The following PLXDC2 variants were observed in gnomAD, a reference collection of about 807,000 sequenced individuals.
The protein encoded by PLXDC2 is plexin domain containing 2, also known as plexin domain-containing protein 2.
A neutral mutation model predicts 68.9 loss-of-function variants in PLXDC2; 40 were observed. That is an observed-to-expected ratio of 0.58 (90% CI 0.45 to 0.76). The LOEUF (loss-of-function observed/expected upper bound fraction) is 0.76. Ranked by LOEUF, PLXDC2 falls within the 30% of genes least tolerant of loss-of-function variation. PLXDC2 has a pLI of 0.00. For missense variants in PLXDC2, 644 were observed against 661.9 expected, an observed-to-expected ratio of 0.97 and a Z score of 0.30; for synonymous variants, 243 against 234.2, an observed-to-expected ratio of 1.04 and a Z score of -0.34.
intron 1 of PLXDC2, among the ~76,000 whole-genome samples, chr10:19,987,717 A>AC (rs1272073052): frequency 6.7e-6 from 1 of 149,728 alleles, no homozygotes; most frequent in South Asian, 2.1e-4. Context: ...GCCCGCCACC[A>AC]CCCCCGGCTA....
intron 1 of PLXDC2, among the ~76,000 whole-genome samples, chr10:19,907,516 A>G (rs1351058352): frequency 6.6e-6 from 1 of 152,232 alleles, no homozygotes; most frequent in Non-Finnish European, 1.5e-5. Flanking sequence ...AAAACAAAGC[A>G]GAACAGCAAA....
intron 13 of PLXDC2, among the ~76,000 whole-genome samples, chr10:20,268,753 G>A (rs1295118884): frequency 6.6e-6 from 1 of 152,198 alleles, no homozygotes; most frequent in Non-Finnish European, 1.5e-5. Flanking sequence ...TTGTAGGGAG[G>A]CAGCACTAAC....
At chr10:19,980,490 C>A (rs181621432) in intron 1 of PLXDC2, among the ~76,000 whole-genome samples, 1 of 152,230 alleles carries the variant, frequency 6.6e-6, no homozygotes, top group East Asian at 1.9e-4. Flanking sequence ...AAGGTGGCAG[C>A]AGATCTGGAT....
intron 4 of PLXDC2, among the ~76,000 whole-genome samples, chr10:20,128,989 G>GATAT (rs1361065996): frequency 7.9e-5 from 12 of 152,018 alleles, no homozygotes; most frequent in African/African-American, 2.7e-4. Context: ...ACTTCCTCCG[G>GATAT]ATATATACTC....
chr10:20,265,931 C>A (rs902136895), intron 13 of PLXDC2, among the ~76,000 whole-genome samples: 2 of 152,124 alleles, frequency 1.3e-5, no homozygotes, highest in Non-Finnish European at 2.9e-5. Flanking sequence ...GATATACGGT[C>A]CCCGGAGAAT....
intron 1 of PLXDC2, among the ~76,000 whole-genome samples, chr10:19,876,026 C>A (rs919247175): frequency 6.6e-6 from 1 of 152,116 alleles, no homozygotes; most frequent in African/African-American, 2.4e-5. Context: ...TTCAGACGGA[C>A]TCCACAAAAT....
At chr10:19,881,322 G>A (rs183922477) in intron 1 of PLXDC2, among the ~76,000 whole-genome samples, 1 of 152,052 alleles carries the variant, frequency 6.6e-6, no homozygotes, top group African/African-American at 2.4e-5. Context: ...CACCATGTTG[G>A]TCTGGCTGGT....
intron 1 of PLXDC2, among the ~76,000 whole-genome samples, chr10:19,912,701 A>G (rs1241589930): frequency 6.6e-6 from 1 of 152,180 alleles, no homozygotes; most frequent in Non-Finnish European, 1.5e-5. Flanking sequence ...AAACTGCCAC[A>G]AATCCTTTTA....
At chr10:19,906,218 GTGT>G (rs1341408250) in intron 1 of PLXDC2, among the ~76,000 whole-genome samples, 1 of 152,082 alleles carries the variant, frequency 6.6e-6, no homozygotes, top group Admixed American at 6.6e-5. Flanking sequence ...TGTAAGATGT[GTGT>G]TATTATTATT....
At chr10:20,210,448 T>G (rs2131856710) in intron 9 of PLXDC2, among the ~76,000 whole-genome samples, 1 of 152,270 alleles carries the variant, frequency 6.6e-6, no homozygotes, top group African/African-American at 2.4e-5. Context: ...GATAGTAATT[T>G]CTGGGTCTTA....
intron 1 of PLXDC2, among the ~76,000 whole-genome samples, chr10:19,858,860 G>C (rs1365177276): frequency 6.6e-6 from 1 of 152,160 alleles, no homozygotes; most frequent in African/African-American, 2.4e-5. Flanking sequence ...AATACTTAAG[G>C]CTGGGTAATT....
chr10:20,143,782 C>G (rs111307889), intron 5 of PLXDC2, among the ~76,000 whole-genome samples: 4,359 of 152,008 alleles, frequency 0.029, 87 homozygotes, highest in South Asian at 0.071. Context: ...GAGGCAAGTG[C>G]CATAATATAT....
intron 1 of PLXDC2, among the ~76,000 whole-genome samples, chr10:19,975,131 G>T (rs1834427916): frequency 6.6e-6 from 1 of 152,082 alleles, no homozygotes; most frequent in South Asian, 2.1e-4. Context: ...TGCTAGCTCT[G>T]GTTTTTCACC....
intron 4 of PLXDC2, among the ~76,000 whole-genome samples, 181 bp from the exon 5 acceptor site, chr10:20,143,114 G>A (rs1463468460): frequency 6.6e-6 from 1 of 151,996 alleles, no homozygotes. Flanking sequence ...ACAAGAATTT[G>A]TTACTTAATC....
At chr10:20,149,524 C>A (rs1171869995) in intron 6 of PLXDC2, among the ~76,000 whole-genome samples, 1 of 152,092 alleles carries the variant, frequency 6.6e-6, no homozygotes, top group East Asian at 1.9e-4. Context: ...CAGGCGTGAG[C>A]CACTGCGCCC....
At chr10:20,148,265 G>T (rs772855614) in intron 6 of PLXDC2, among the ~76,000 whole-genome samples, 4 of 147,552 alleles carry the variant, frequency 2.7e-5, no homozygotes, top group Non-Finnish European at 6.0e-5. Flanking sequence ...TCTTTAGTTA[G>T]TTTTTTTTTT....
intron 10 of PLXDC2, among the ~76,000 whole-genome samples, chr10:20,216,927 C>A (rs185919942): frequency 6.7e-6 from 1 of 148,378 alleles, no homozygotes; most frequent in African/African-American, 2.6e-5. Flanking sequence ...TTTAGACATT[C>A]ATTCAACTTG....
rs576062531 is a variant in PLXDC2, at chr10:20,263,492, C to G, written c.1474-16211C>G. Among the ~76,000 whole-genome samples the G allele has an allele frequency of 3.3e-5, 5 of 152,226 alleles. No individual in the cohort carries two copies. In the South Asian group the frequency reaches 1.0e-3, roughly 32 times the overall value. On this transcript the variant is annotated intron_variant, in intron 13 of 13. Coordinates refer to ENST00000377252, the MANE Select transcript of PLXDC2 (RefSeq NM_032812.9). ...ACACCAAAAGCAATTGTAACAAAAGCAAAAATTGGCAAATGGGATCTAATT... is the reference window on the plus strand; with the variant it reads ...ACACCAAAAGCAATTGTAACAAAAGGAAAAATTGGCAAATGGGATCTAATT...
chr10:20,084,572 G>A (rs1833163948), intron 4 of PLXDC2, among the ~76,000 whole-genome samples: 1 of 152,050 alleles, frequency 6.6e-6, no homozygotes, highest in Non-Finnish European at 1.5e-5. Context: ...GAGATTCCTT[G>A]TGGAAGGCAG....
Sources: gnomAD v4.1 joint callset for allele counts (sites outside exome capture counted in the v4.1 genomes callset) on GRCh38, gnomAD v4.1.1 for gene constraint, MANE v1.5 for transcripts, NCBI Gene and HGNC (gene_info 2026-07-23, HGNC 2026-07-21) for gene names.